Variants in MAGI2 observed in about 807,000 individuals in gnomAD.
MAGI2 encodes membrane-associated guanylate kinase, WW and PDZ domain-containing protein 2.
A neutral mutation model predicts 133.3 loss-of-function variants in MAGI2; 35 were observed. The observed-to-expected ratio is 0.26, with a 90% CI of 0.20 to 0.35. The LOEUF (loss-of-function observed/expected upper bound fraction) is 0.35, where lower values mean the gene tolerates loss of function less well. Ranked by LOEUF, MAGI2 falls within the 10% of genes least tolerant of loss-of-function variation. The pLI, the probability that MAGI2 is intolerant of heterozygous loss-of-function variation, is 1.00. For synonymous variants in MAGI2, 729 were observed against 710.6 expected, an observed-to-expected ratio of 1.03 and a Z score of -0.41; for missense variants, 1,636 against 1,863.4, an observed-to-expected ratio of 0.88 and a Z score of 2.25.
chr7:79,241,110 C>T (rs1284602186), intron 1 of MAGI2, among the ~76,000 whole-genome samples: 1 of 152,048 alleles, frequency 6.6e-6, no homozygotes, highest in African/African-American at 2.4e-5. Flanking sequence ...TCACTGATGT[C>T]TCCGTTGCTT....
At chr7:79,179,283 T>G (rs1826402266) in intron 1 of MAGI2, among the ~76,000 whole-genome samples, 1 of 152,150 alleles carries the variant, frequency 6.6e-6, no homozygotes, top group South Asian at 2.1e-4. Context: ...TAAACAATTC[T>G]ATATACTCTG....
chr7:78,348,141 T>A (rs1294329080), intron 7 of MAGI2, among the ~76,000 whole-genome samples: 1 of 152,206 alleles, frequency 6.6e-6, no homozygotes, highest in Non-Finnish European at 1.5e-5. Context: ...TTGGAGCTAC[T>A]TTGATCAGTG....
chr7:78,972,868 G>C (rs1420273980), intron 2 of MAGI2, among the ~76,000 whole-genome samples: 1 of 151,582 alleles, frequency 6.6e-6, no homozygotes, highest in East Asian at 1.9e-4. Flanking sequence ...CTTATTTTGG[G>C]AGGTATTTAC....
intron 1 of MAGI2, among the ~76,000 whole-genome samples, chr7:79,225,786 G>T (rs1830800367): frequency 1.3e-5 from 2 of 152,166 alleles, no homozygotes; most frequent in African/African-American, 4.8e-5. Flanking sequence ...GATAATCCAT[G>T]CAAATTAAAC....
Position 78,951,287 on chromosome 7 carries a change from C to T in MAGI2, c.418+55803G>A, listed in dbSNP as rs1452634669. On this transcript the variant is annotated intron_variant, in intron 2 of 21. Coordinates refer to ENST00000354212, the MANE Select transcript of MAGI2 (RefSeq NM_012301.4). Reference sequence around the variant, plus strand: ...ACACCCGGCTGATGTTAGCTTTTAACTCAGTTGCTGTATTAGTCTGTTCAA... The same window carrying T: ...ACACCCGGCTGATGTTAGCTTTTAATTCAGTTGCTGTATTAGTCTGTTCAA... Among the ~76,000 whole-genome samples the T allele has an allele frequency of 3.3e-5, 5 of 152,016 alleles. No individual in the cohort carries two copies. The East Asian group carries it at 7.7e-4, about 24-fold the overall frequency.
At chr7:78,758,319 T>C (rs1373777047) in intron 2 of MAGI2, among the ~76,000 whole-genome samples, 2 of 152,184 alleles carry the variant, frequency 1.3e-5, no homozygotes, top group African/African-American at 4.8e-5. Context: ...GCCTAAACTA[T>C]AGCAGGCATT....
chr7:79,356,944 C>T (rs1050636768), intron 1 of MAGI2, among the ~76,000 whole-genome samples: 1 of 152,136 alleles, frequency 6.6e-6, no homozygotes, highest in Admixed American at 6.5e-5. Flanking sequence ...GCTTGACAGT[C>T]CTCTCAAAAG....
chr7:78,613,428 A>G (rs898114869), intron 3 of MAGI2, among the ~76,000 whole-genome samples: 1 of 152,212 alleles, frequency 6.6e-6, no homozygotes, highest in African/African-American at 2.4e-5. Context: ...TGTAAGAGCC[A>G]GAACCAAGAA....
intron 19 of MAGI2, 74 bp downstream of exon 19, chr7:78,127,123 C>T (rs2150514538): frequency 1.7e-6 from 2 of 1,192,632 alleles, no homozygotes; most frequent in Non-Finnish European, 1.2e-6. Context: ...CTTTCCTCTG[C>T]CTCTCCTATT....
intron 2 of MAGI2, among the ~76,000 whole-genome samples, chr7:78,839,215 T>C (rs1791912679): frequency 6.6e-6 from 1 of 152,064 alleles, no homozygotes; most frequent in South Asian, 2.1e-4. Flanking sequence ...TACCCATGAT[T>C]TCTCTAAACT....
intron 1 of MAGI2, among the ~76,000 whole-genome samples, chr7:79,409,382 C>T (rs926960369): frequency 1.3e-5 from 2 of 152,162 alleles, no homozygotes; most frequent in Admixed American, 1.3e-4. Flanking sequence ...GCCTCAGCCT[C>T]TCGAGTAGCT....
intron 3 of MAGI2, among the ~76,000 whole-genome samples, chr7:78,568,643 A>C (rs1253049869): frequency 6.6e-6 from 1 of 152,206 alleles, no homozygotes; most frequent in Non-Finnish European, 1.5e-5. Context: ...ACAAGTTACC[A>C]CACGACTGCT....
intron 10 of MAGI2, among the ~76,000 whole-genome samples, chr7:78,208,907 T>C (rs878868237): frequency 3.3e-5 from 5 of 151,998 alleles, no homozygotes; most frequent in African/African-American, 1.2e-4. Flanking sequence ...TTGGGAAATT[T>C]CACCTGCCCT....
At chr7:79,006,059 G>T (rs957048232) in intron 2 of MAGI2, among the ~76,000 whole-genome samples, 1 of 152,104 alleles carries the variant, frequency 6.6e-6, no homozygotes, top group African/African-American at 2.4e-5. Flanking sequence ...ATAGGGCTGG[G>T]TGATAACCTT....
intron 1 of MAGI2, among the ~76,000 whole-genome samples, chr7:79,352,555 T>C (rs903351446): frequency 6.6e-6 from 1 of 152,152 alleles, no homozygotes; most frequent in Non-Finnish European, 1.5e-5. Context: ...GAAGGTGCAG[T>C]TTGCAATCTG....
chr7:78,499,245 A>G (rs1251218074), intron 5 of MAGI2, among the ~76,000 whole-genome samples: 1 of 152,156 alleles, frequency 6.6e-6, no homozygotes, highest in Non-Finnish European at 1.5e-5. Context: ...CAGCTCCCAT[A>G]CCTGGAATGC....
intron 2 of MAGI2, among the ~76,000 whole-genome samples, chr7:78,910,281 T>TTTA (rs1554603669): frequency 0.049 from 7,333 of 148,722 alleles, 617 homozygotes; most frequent in African/African-American, 0.17. Flanking sequence ...TTTTTTTTTT[T>TTTA]AAAGGAAAAA....
chr7:78,610,318 G>A (rs1161784974), intron 3 of MAGI2, among the ~76,000 whole-genome samples: 2 of 152,208 alleles, frequency 1.3e-5, no homozygotes, highest in East Asian at 3.9e-4. Context: ...TTGGTTTCTA[G>A]AGGCTGAGTC....
chr7:78,696,551 T>G (rs1817532784), intron 2 of MAGI2, among the ~76,000 whole-genome samples: 1 of 152,194 alleles, frequency 6.6e-6, no homozygotes, highest in Non-Finnish European at 1.5e-5. Context: ...ACAAACATGT[T>G]AGTTTGCACA....
Sources: allele counts gnomAD v4.1 joint callset (sites outside exome capture counted in the v4.1 genomes callset), GRCh38; gene constraint gnomAD v4.1.1; transcripts MANE v1.5; gene names NCBI Gene and HGNC (gene_info 2026-07-23, HGNC 2026-07-21).